The following DIS3L variants were observed in gnomAD, a reference collection of about 807,000 sequenced individuals.
The protein encoded by DIS3L is DIS3 like exosome 3'-5' exoribonuclease.
Under a neutral mutation model 120.3 loss-of-function variants are expected in DIS3L, and 100 were observed. That is an observed-to-expected ratio of 0.83 (90% CI 0.71 to 0.98). The LOEUF (loss-of-function observed/expected upper bound fraction) is 0.98, where lower values mean the gene tolerates loss of function less well. DIS3L is among the 50% of genes least tolerant of loss of function. The pLI is 0.00. For missense variants in DIS3L, 1,196 were observed against 1,314.2 expected, an observed-to-expected ratio of 0.91 and a Z score of 1.39; for synonymous variants, 426 against 470.6, an observed-to-expected ratio of 0.91 and a Z score of 1.23.
At chr15:66,324,497 T>C (rs1429104597) in intron 11 of DIS3L, among the ~76,000 whole-genome samples, 2 of 152,144 alleles carry the variant, frequency 1.3e-5, no homozygotes, top group Non-Finnish European at 2.9e-5. Context: ...TAAAATACAG[T>C]ATATGTGAAA....
intron 6 of DIS3L, chr15:66,314,791 A>C (rs2092800298): frequency 7.4e-6 from 3 of 406,162 alleles, no homozygotes; most frequent in Non-Finnish European, 1.3e-5. Context: ...GGTGAAGGGG[A>C]TGGGGATATT....
At chr15:66,321,243 G>T (rs2092879884) in intron 9 of DIS3L, among the ~76,000 whole-genome samples, 1 of 152,122 alleles carries the variant, frequency 6.6e-6, no homozygotes, top group Non-Finnish European at 1.5e-5. Flanking sequence ...ATCACTTTAT[G>T]ATCTTTTAAA....
chr15:66,312,462 C>T (rs1238535333), intron 5 of DIS3L, among the ~76,000 whole-genome samples: 4 of 152,106 alleles, frequency 2.6e-5, no homozygotes, highest in Non-Finnish European at 5.9e-5. Flanking sequence ...CTGTGGAAGT[C>T]GCCTGGTAAA....
intron 12 of DIS3L, among the ~76,000 whole-genome samples, chr15:66,327,149 C>G (rs1043707379): frequency 6.6e-6 from 1 of 151,678 alleles, no homozygotes; most frequent in Non-Finnish European, 1.5e-5. Flanking sequence ...AGGTTGGTCT[C>G]AAACTCCTGA....
chr15:66,296,544 T>C (rs901656631), intron 2 of DIS3L, among the ~76,000 whole-genome samples: 2 of 144,974 alleles, frequency 1.4e-5, no homozygotes, highest in East Asian at 2.0e-4. Flanking sequence ...TGAGATGGAG[T>C]CTGGCTCTGT....
chr15:66,316,826 A>G lies in DIS3L; in HGVS notation c.994+1611A>G, dbSNP rs117088136. 9.4e-3 allele frequency among the ~76,000 whole-genome samples: 1,438 copies of G among 152,196 alleles called. 8 individuals are homozygous for G. The highest frequency in any genetic ancestry group is 0.015 in the Non-Finnish European group (1,010 of 67,990). On this transcript the variant is annotated intron_variant, in intron 7 of 16. Transcript: ENST00000319212. The stretch of plus-strand genomic sequence containing the variant: ...CAAGACATTGTCTCAAAAAAAGAAA[A>G]AAGAAAAAGAAAGCAAGAGTTGGCT...
chr15:66,299,581 G>C (rs2092625582), intron 2 of DIS3L, among the ~76,000 whole-genome samples: 1 of 151,136 alleles, frequency 6.6e-6, no homozygotes, highest in African/African-American at 2.4e-5. Flanking sequence ...GGGCCAGGTA[G>C]AGAAGAGGCC....
rs545506739 is a variant in DIS3L at position 66,321,537 on chromosome 15, G to A, written c.1326+805G>A. ...CCAGCACTTTGGGAGGCCAAGGCAG[G>A]TGAATCACCAGGTCAGGAGTTTGAG... On this transcript the variant is annotated intron_variant, in intron 9 of 16. Coordinates refer to ENST00000319212, the MANE Select transcript of DIS3L (RefSeq NM_001143688.3). 3.9e-5 allele frequency among the ~76,000 whole-genome samples: 6 copies of A among 152,254 alleles called. No homozygotes were observed. The South Asian group carries it at 1.2e-3, about 32-fold the overall frequency.
intron 6 of DIS3L, 27 bp from the exon 7 acceptor site, chr15:66,315,009 G>T (rs1230347476): frequency 1.9e-6 from 3 of 1,607,812 alleles, no homozygotes; most frequent in Non-Finnish European, 8.5e-7. Flanking sequence ...GGCTTTATGG[G>T]TTTTTTCTGT....
rs1056213326 is a variant in DIS3L, at chr15:66,331,969, A to G, written c.2630A>G (p.Asp877Gly). 1.2e-6 allele frequency: 2 copies of G among 1,613,182 alleles called. No individual in the cohort carries two copies. Among genetic ancestry groups the G allele is most frequent in the Non-Finnish European group, 1.7e-6 (2 of 1,179,718 alleles). The change falls in exon 15 of 17, where the codon GAC becomes GGC. Residue 877 changes from aspartate to glycine, a missense_variant. Transcript: ENST00000319212. ...DPATEERCIS[D>G]GVIYSIRTNG... ...GCCACCGAGGAGCGTTGCATATCTG[A>G]CGGAGTTATTTATTCAATTAGAACA...
chr15:66,332,194 C>G (rs1295190892), intron 15 of DIS3L, among the ~76,000 whole-genome samples, 174 bp downstream of exon 15: 1 of 152,138 alleles, frequency 6.6e-6, no homozygotes, highest in Non-Finnish European at 1.5e-5. Context: ...GGGTGGCTCA[C>G]GCCTATAATC....
intron 11 of DIS3L, 47 bp from the exon 12 acceptor site, chr15:66,325,784 C>A: frequency 6.5e-7 from 1 of 1,542,464 alleles, no homozygotes; most frequent in Non-Finnish European, 8.7e-7. Flanking sequence ...ACAAAAAAAG[C>A]CAGATGAATT....
At chr15:66,306,632 C>T in intron 2 of DIS3L, 192 bp from the exon 3 acceptor site, 1 of 644,848 alleles carries the variant, frequency 1.6e-6, no homozygotes, top group Non-Finnish European at 2.4e-6. Flanking sequence ...CACCTTCTAG[C>T]AGGCAAAATC....
chr15:66,308,191 C>T (rs898120874), intron 3 of DIS3L, among the ~76,000 whole-genome samples: 2 of 152,176 alleles, frequency 1.3e-5, no homozygotes, highest in African/African-American at 4.8e-5. Flanking sequence ...CAATCCAGTC[C>T]TGCACACAGT....
Position 66,333,013 on chromosome 15 carries a change from T to TCCA in DIS3L, c.2867_2869dup (p.Ser956_Ile957insThr). The TCCA allele has an allele frequency of 6.2e-7, 1 of 1,608,324 alleles. No homozygotes were observed. Among genetic ancestry groups the TCCA allele is most frequent in the African/African-American group, 1.3e-5 (1 of 74,640 alleles). ...TTCTTCTCTATGCTAGGTAAGAATA[T>TCCA]CCATACAGGCCTCACGTTGCCATTC... On this transcript the variant is annotated inframe_insertion, in exon 17 of 17. Transcript: ENST00000319212.
At position 66,333,258 on chromosome 15, in the gene DIS3L, A is replaced by G. The variant is rs1475224615; in HGVS notation, c.3111A>G (p.Leu1037=). 6.8e-6 allele frequency: 11 copies of G among 1,613,320 alleles called. No individual in the cohort carries two copies. Among genetic ancestry groups the G allele is most frequent in the African/African-American group, 1.3e-5 (1 of 74,842 alleles). ...AGGGAAGGAGCCTATACACACTTCT[A>G]GAGGAGATACGGGACCTAGCTCTCC... ...QTKGRSLYTL[L]EEIRDLALLD... The change falls in exon 17 of 17, where the codon CTA becomes CTG. Residue 1037 remains leucine (L), a synonymous_variant. Coordinates refer to ENST00000319212, the MANE Select transcript of DIS3L (RefSeq NM_001143688.3).
intron 2 of DIS3L, among the ~76,000 whole-genome samples, chr15:66,305,698 T>A (rs1477637619): frequency 1.3e-5 from 2 of 152,018 alleles, no homozygotes; most frequent in African/African-American, 4.8e-5. Context: ...CTAATTTTTG[T>A]ATTTTTAATT....
At position 66,311,853 on chromosome 15, in the gene DIS3L, C is replaced by G. The variant is rs2092765719; in HGVS notation, c.688C>G (p.Pro230Ala). The change falls in exon 5 of 17, where the codon CCC becomes GCC. Residue 230 changes from proline to alanine, a missense_variant. Physicochemically the swap from Pro to Ala is conservative, Grantham distance 27. Transcript: ENST00000319212. ...SHGKEYPEHL[P>A]LEVLEAGIKS... is the part of the protein sequence containing the mutation. Reference sequence around the variant, plus strand: ...TGGGAAGGAGTACCCAGAACATCTTCCCCTGGAAGTGTTAGAAGCTGGGAT... The same window carrying G: ...TGGGAAGGAGTACCCAGAACATCTTGCCCTGGAAGTGTTAGAAGCTGGGAT... 6.2e-7 allele frequency: 1 copy of G among 1,613,990 alleles called. No individual in the cohort carries two copies. Among genetic ancestry groups the G allele is most frequent in the African/African-American group, 1.3e-5 (1 of 74,886 alleles).
intron 8 of DIS3L, among the ~76,000 whole-genome samples, chr15:66,318,848 A>G (rs2092849775): frequency 6.6e-6 from 1 of 152,060 alleles, no homozygotes; most frequent in South Asian, 2.1e-4. Flanking sequence ...GCTGGAGTGT[A>G]GTGGCGTGAT....
Sources: gnomAD v4.1 joint callset for allele counts (sites outside exome capture counted in the v4.1 genomes callset) on GRCh38, gnomAD v4.1.1 for gene constraint, MANE v1.5 for transcripts, NCBI Gene and HGNC (gene_info 2026-07-23, HGNC 2026-07-21) for gene names.